CSMD1: variants seen among roughly 807,000 people sequenced by gnomAD.
CSMD1 encodes CUB and Sushi multiple domains 1.
CSMD1 carries 213 observed loss-of-function variants against 417.5 expected under a neutral mutation model. That is an observed-to-expected ratio of 0.51 (90% CI 0.46 to 0.57). The LOEUF is 0.57. Ranked by LOEUF, CSMD1 falls within the 20% of genes least tolerant of loss-of-function variation. The probability of loss-of-function intolerance (pLI) is 0.00; values close to 1 mark genes in which losing one functional copy is unlikely to be tolerated. For missense variants in CSMD1, 6,923 were observed against 4,529.7 expected (o/e 1.53, Z -15.17); for synonymous variants, 2,862 against 1,736.8 (o/e 1.65, Z -16.11).
chr8:3,529,196 C>G (rs988746484), intron 10 of CSMD1, among the ~76,000 whole-genome samples: 4 of 152,178 alleles, frequency 2.6e-5, no homozygotes, highest in African/African-American at 4.8e-5. Context: ...TTGAATCAGA[C>G]TACCAAAGTC....
intron 3 of CSMD1, among the ~76,000 whole-genome samples, chr8:4,170,327 T>C (rs1797700729): frequency 6.6e-6 from 1 of 151,956 alleles, no homozygotes; most frequent in East Asian, 1.9e-4. Flanking sequence ...AAGTAACAAA[T>C]TCTGTCTCAT....
intron 10 of CSMD1, among the ~76,000 whole-genome samples, chr8:3,520,287 C>T (rs190748060): frequency 3.3e-4 from 50 of 152,160 alleles, no homozygotes; most frequent in Non-Finnish European, 6.6e-4. Context: ...TTTCAACCTC[C>T]TCTATTCCAA....
At chr8:4,987,967 C>T (rs1811267443) in intron 1 of CSMD1, among the ~76,000 whole-genome samples, 1 of 152,184 alleles carries the variant, frequency 6.6e-6, no homozygotes, top group Admixed American at 6.5e-5. Flanking sequence ...GACTTCCTTG[C>T]TCCACAGCTT....
At chr8:4,218,173 C>G (rs1585042502) in intron 3 of CSMD1, among the ~76,000 whole-genome samples, 1 of 152,156 alleles carries the variant, frequency 6.6e-6, no homozygotes, top group Non-Finnish European at 1.5e-5. Flanking sequence ...TAATGGAACA[C>G]TAGTTATAAA....
At chr8:4,816,738 G>A (rs1475867173) in intron 1 of CSMD1, among the ~76,000 whole-genome samples, 1 of 152,104 alleles carries the variant, frequency 6.6e-6, no homozygotes, top group Non-Finnish European at 1.5e-5. Flanking sequence ...AATCAACTAG[G>A]AGGCTGTTGC....
chr8:3,933,848 C>T (rs370673228), intron 5 of CSMD1, among the ~76,000 whole-genome samples: 1 of 152,204 alleles, frequency 6.6e-6, no homozygotes, highest in Middle Eastern at 3.4e-3. Context: ...TACTGCTGTG[C>T]TCTGAACTAT....
intron 3 of CSMD1, among the ~76,000 whole-genome samples, chr8:4,368,497 G>A (rs781521681): frequency 1.3e-5 from 2 of 152,276 alleles, no homozygotes; most frequent in Non-Finnish European, 1.5e-5. Context: ...AAGTGACTTA[G>A]AGAGAAGTCC....
chr8:3,178,494 C>A (rs192364731), intron 37 of CSMD1, among the ~76,000 whole-genome samples: 3 of 152,208 alleles, frequency 2.0e-5, no homozygotes, highest in Admixed American at 2.0e-4. Context: ...AGTCTGGATA[C>A]CTCGCAAGGT....
chr8:3,504,384 G>T (rs556313401), intron 10 of CSMD1, among the ~76,000 whole-genome samples: 1 of 152,174 alleles, frequency 6.6e-6, no homozygotes, highest in Admixed American at 6.5e-5. Flanking sequence ...AAATGAGAAT[G>T]ATGCCGATTT....
chr8:4,166,246 T>G (rs1797449573), intron 3 of CSMD1, among the ~76,000 whole-genome samples: 1 of 152,324 alleles, frequency 6.6e-6, no homozygotes, highest in Middle Eastern at 3.4e-3. Context: ...GATTATCATA[T>G]CAATATGCAT....
chr8:3,813,254 G>C (rs1413030461), intron 5 of CSMD1, among the ~76,000 whole-genome samples: 1 of 151,978 alleles, frequency 6.6e-6, no homozygotes, highest in African/African-American at 2.4e-5. Flanking sequence ...CATTAAGATA[G>C]CAATCAAATT....
chr8:3,536,149 G>T (rs1290745321), intron 10 of CSMD1, among the ~76,000 whole-genome samples: 1 of 152,186 alleles, frequency 6.6e-6, no homozygotes, highest in African/African-American at 2.4e-5. Context: ...ATCATCAACT[G>T]TCATTACATA....
intron 5 of CSMD1, among the ~76,000 whole-genome samples, chr8:3,806,704 G>C (rs1413050464): frequency 6.6e-6 from 1 of 152,156 alleles, no homozygotes; most frequent in African/African-American, 2.4e-5. Context: ...AATCTAATGA[G>C]AGGTAATATT....
intron 1 of CSMD1, among the ~76,000 whole-genome samples, chr8:4,701,271 A>G (rs1807521745): frequency 6.6e-6 from 1 of 150,880 alleles, no homozygotes; most frequent in Non-Finnish European, 1.5e-5. Flanking sequence ...AATACCAATG[A>G]TAAGTCAACT....
intron 42 of CSMD1, among the ~76,000 whole-genome samples, chr8:3,115,154 A>G (rs1816785795): frequency 6.6e-6 from 1 of 151,928 alleles, no homozygotes; most frequent in Non-Finnish European, 1.5e-5. Flanking sequence ...TAATAAGTTA[A>G]TAAACCAAAT....
At chr8:4,900,603 C>G (rs904978095) in intron 1 of CSMD1, among the ~76,000 whole-genome samples, 14 of 152,192 alleles carry the variant, frequency 9.2e-5, no homozygotes, top group African/African-American at 2.2e-4. Flanking sequence ...TCCAGCATCT[C>G]TGGTTCCAGA....
intron 2 of CSMD1, among the ~76,000 whole-genome samples, chr8:4,512,082 A>G (rs965631395): frequency 1.3e-5 from 2 of 152,208 alleles, no homozygotes; most frequent in African/African-American, 4.8e-5. Context: ...TATAAAAAGA[A>G]TTATATACCA....
chr8:4,832,979 G>T (rs1800242053), intron 1 of CSMD1, among the ~76,000 whole-genome samples: 3 of 152,048 alleles, frequency 2.0e-5, no homozygotes, highest in South Asian at 4.2e-4. Context: ...GGCCTGCCCT[G>T]GGCACCATTT....
At position 3,142,514 on chromosome 8, in the gene CSMD1, A is replaced by G; in HGVS notation, c.6192T>C (p.Phe2064=). ...GCCGGTTTTGCGAATGGTCACTATA[A>G]AAGTGGATGAGGGTTTCATGCGTTG... ...LSTTHETLIH[F]YSDHSQNRQG... is the part of the protein sequence containing the mutation. Residue 2064 remains phenylalanine (F), a synonymous_variant, in exon 41 of 70, where the codon TTT becomes TTC. Coordinates refer to ENST00000635120, the MANE Select transcript of CSMD1 (RefSeq NM_033225.6). 1 of 1,613,996 alleles carries G rather than the reference A, an allele frequency of 6.2e-7. No individual in the cohort carries two copies. The highest frequency in any genetic ancestry group is 8.5e-7 in the Non-Finnish European group (1 of 1,179,890).
Sources: gnomAD v4.1 joint callset for allele counts (sites outside exome capture counted in the v4.1 genomes callset) on GRCh38, gnomAD v4.1.1 for gene constraint, MANE v1.5 for transcripts, NCBI Gene and HGNC (gene_info 2026-07-23, HGNC 2026-07-21) for gene names.